The following ANO4 variants were observed in gnomAD, a reference collection of about 807,000 sequenced individuals.
ANO4 encodes anoctamin 4, also known as anoctamin-4.
Under a neutral mutation model 141.9 loss-of-function variants are expected in ANO4, and 69 were observed. The ratio of observed to expected loss-of-function variants is 0.49; its 90% confidence interval spans 0.40 to 0.59. The LOEUF (loss-of-function observed/expected upper bound fraction) is 0.59, where lower values mean the gene tolerates loss of function less well. Among genes scored for constraint, ANO4 ranks in the 20% least tolerant of loss-of-function variants. ANO4 has a pLI of 0.00. For synonymous variants in ANO4, 350 were observed against 394.3 expected, an observed-to-expected ratio of 0.89 and a Z score of 1.33; for missense variants, 894 against 1,162.2, an observed-to-expected ratio of 0.77 and a Z score of 3.36.
intron 1 of ANO4, among the ~76,000 whole-genome samples, chr12:100,729,463 GAAT>G (rs1466375465): frequency 7.1e-6 from 1 of 141,774 alleles, no homozygotes; most frequent in African/African-American, 2.6e-5. Flanking sequence ...TTAAATAATT[GAAT>G]GCTCATATAA....
At chr12:100,781,549 G>C (rs1369833680) in intron 3 of ANO4, among the ~76,000 whole-genome samples, 1 of 152,082 alleles carries the variant, frequency 6.6e-6, no homozygotes, top group East Asian at 1.9e-4. Context: ...CATCCACCCA[G>C]CTTGCTTCCC....
At chr12:100,921,155 C>T (rs2041614838) in intron 2 of ANO4, among the ~76,000 whole-genome samples, 1 of 152,074 alleles carries the variant, frequency 6.6e-6, no homozygotes, top group Admixed American at 6.6e-5. Context: ...GAATCTACTT[C>T]ATGCCAGCTC....
intron 5 of ANO4, among the ~76,000 whole-genome samples, chr12:100,957,375 A>G (rs1488938395): frequency 1.3e-5 from 2 of 152,152 alleles, no homozygotes; most frequent in Non-Finnish European, 2.9e-5. Context: ...CAAGCTACCC[A>G]CAAAGGCAGC....
intron 17 of ANO4, among the ~76,000 whole-genome samples, chr12:101,087,850 G>A (rs1056978704): frequency 5.3e-5 from 8 of 152,130 alleles, no homozygotes; most frequent in South Asian, 2.1e-4. Context: ...TCCAGAATTT[G>A]ATCACTTTCT....
intron 2 of ANO4, among the ~76,000 whole-genome samples, chr12:100,903,586 A>C (rs1239397170): frequency 6.6e-6 from 1 of 152,236 alleles, no homozygotes; most frequent in Non-Finnish European, 1.5e-5. Context: ...TCAGAAAAGC[A>C]AAACCAGTAG....
intron 5 of ANO4, among the ~76,000 whole-genome samples, chr12:100,953,499 A>G (rs1005391307): frequency 2.6e-5 from 4 of 152,250 alleles, no homozygotes; most frequent in Admixed American, 1.3e-4. Flanking sequence ...GTTGTATCTT[A>G]GGCATATTTT....
chr12:100,771,207 G>A (rs2033282915), intron 3 of ANO4, among the ~76,000 whole-genome samples: 1 of 151,346 alleles, frequency 6.6e-6, no homozygotes, highest in African/African-American at 2.5e-5. Flanking sequence ...TTTGATGGGG[G>A]CCATGGCAGA....
intron 5 of ANO4, among the ~76,000 whole-genome samples, chr12:100,949,241 C>T (rs2042872471): frequency 6.6e-6 from 1 of 152,184 alleles, no homozygotes. Context: ...CTTCCACCCT[C>T]TAGAAACTGT....
chr12:100,888,555 A>G (rs1378632023), intron 1 of ANO4, among the ~76,000 whole-genome samples: 1 of 152,270 alleles, frequency 6.6e-6, no homozygotes, highest in African/African-American at 2.4e-5. Context: ...GGAAGGGAGC[A>G]GGGAAGAAGT....
At chr12:100,764,915 G>A (rs531272542) in intron 3 of ANO4, among the ~76,000 whole-genome samples, 3 of 152,256 alleles carry the variant, frequency 2.0e-5, no homozygotes, top group African/African-American at 7.2e-5. Flanking sequence ...ATATTGGCCT[G>A]CAATATTCTT....
intron 1 of ANO4, among the ~76,000 whole-genome samples, chr12:100,867,333 CA>C (rs1198236364): frequency 6.6e-6 from 1 of 152,016 alleles, no homozygotes; most frequent in Non-Finnish European, 1.5e-5. Flanking sequence ...GGAGAGCCAC[CA>C]GTGGTATATT....
chr12:100,941,950 T>C (rs1482644433), intron 4 of ANO4, among the ~76,000 whole-genome samples: 2 of 133,906 alleles, frequency 1.5e-5, no homozygotes, highest in African/African-American at 2.8e-5. Context: ...TTGAACACAA[T>C]GAAAAAAATT....
intron 7 of ANO4, among the ~76,000 whole-genome samples, chr12:100,983,615 C>T (rs895427684): frequency 5.3e-5 from 8 of 152,156 alleles, no homozygotes; most frequent in Non-Finnish European, 2.9e-5. Flanking sequence ...CTAGAGGCTG[C>T]CTGCATTCCT....
chr12:100,737,955 G>A (rs1565846178), intron 2 of ANO4, among the ~76,000 whole-genome samples: 1 of 152,028 alleles, frequency 6.6e-6, no homozygotes, highest in African/African-American at 2.4e-5. Context: ...GCCCAAAGCA[G>A]GGGGGTCAAA....
At chr12:100,851,243 A>T (rs963156546) in intron 1 of ANO4, among the ~76,000 whole-genome samples, 2 of 152,160 alleles carry the variant, frequency 1.3e-5, no homozygotes, top group Non-Finnish European at 2.9e-5. Flanking sequence ...TTTTAAAAAC[A>T]TGCACAATTA....
At chr12:101,056,672 G>T (rs2048132853) in intron 14 of ANO4, among the ~76,000 whole-genome samples, 1 of 151,824 alleles carries the variant, frequency 6.6e-6, no homozygotes, top group South Asian at 2.1e-4. Flanking sequence ...CCAGTCTTAG[G>T]GGAATGTGTT....
intron 9 of ANO4, among the ~76,000 whole-genome samples, chr12:101,024,544 C>T (rs1376124432): frequency 1.3e-5 from 2 of 151,742 alleles, no homozygotes; most frequent in Admixed American, 6.6e-5. Flanking sequence ...TGCAGTGAGC[C>T]GAGATCGCAC....
At chr12:101,023,966 CG>C (rs1358981606) in intron 9 of ANO4, among the ~76,000 whole-genome samples, 1 of 152,104 alleles carries the variant, frequency 6.6e-6, no homozygotes, top group Non-Finnish European at 1.5e-5. Flanking sequence ...GAGCCAACAT[CG>C]ATTAGAAATA....
intron 15 of ANO4, among the ~76,000 whole-genome samples, chr12:101,080,904 T>TATATAC (rs2049243790): frequency 8.4e-6 from 1 of 118,366 alleles, no homozygotes; most frequent in Non-Finnish European, 1.9e-5. Context: ...TATATATACA[T>TATATAC]ACACATATAC....
Sources: allele counts gnomAD v4.1 joint callset (sites outside exome capture counted in the v4.1 genomes callset), GRCh38; gene constraint gnomAD v4.1.1; transcripts MANE v1.5; gene names NCBI Gene and HGNC (gene_info 2026-07-23, HGNC 2026-07-21).